GRIK2: variants seen among roughly 807,000 people sequenced by gnomAD.
GRIK2 encodes glutamate ionotropic receptor kainate type subunit 2, also known as glutamate receptor ionotropic, kainate 2.
GRIK2 carries 32 observed loss-of-function variants against 100.3 expected under a neutral mutation model. The ratio of observed to expected loss-of-function variants is 0.32; its 90% CI spans 0.24 to 0.43. GRIK2 has a LOEUF of 0.43. Among genes scored for constraint, GRIK2 ranks in the 20% least tolerant of loss-of-function variants. The pLI, the probability that GRIK2 is intolerant of heterozygous loss-of-function variation, is 1.00. For missense variants in GRIK2, 843 were observed against 1,114.9 expected (o/e 0.76, Z 3.47); for synonymous variants, 417 against 389.4 (o/e 1.07, Z -0.83).
chr6:101,473,018 T>G (rs865956780), intron 2 of GRIK2, among the ~76,000 whole-genome samples: 1 of 151,730 alleles, frequency 6.6e-6, no homozygotes, highest in Non-Finnish European at 1.5e-5. Context: ...TCTGTATGAT[T>G]TCTTATGTTG....
rs539260783 is a variant in GRIK2, at chr6:101,439,884, G to C, written c.115+40492G>C. Among the ~76,000 whole-genome samples, 9 of 152,120 alleles carry C rather than the reference G, an allele frequency of 5.9e-5. No individual in the cohort carries two copies. In the East Asian group the frequency reaches 1.5e-3, roughly 26 times the overall value. ...TGAAAAATAAATAATTTTTATCTTT[G>C]AGAGAGTCTTGTGAAAAGAAGACTC... is the stretch of plus-strand genomic sequence containing the variant. On this transcript the variant is annotated intron_variant, in intron 2 of 16. Coordinates refer to ENST00000369134, the MANE Select transcript of GRIK2 (RefSeq NM_021956.5).
chr6:101,740,748 G>C (rs2128377460), intron 7 of GRIK2, among the ~76,000 whole-genome samples: 1 of 152,312 alleles, frequency 6.6e-6, no homozygotes, highest in East Asian at 1.9e-4. Context: ...TGGCAGAAAA[G>C]GAAGGGGAGC....
At chr6:101,717,636 C>T (rs1300117837) in intron 7 of GRIK2, among the ~76,000 whole-genome samples, 2 of 151,782 alleles carry the variant, frequency 1.3e-5, no homozygotes, top group Admixed American at 6.6e-5. Flanking sequence ...CATAATAGGA[C>T]TGAAGCAGTT....
At chr6:101,493,972 A>T (rs955114470) in intron 2 of GRIK2, among the ~76,000 whole-genome samples, 13 of 128,250 alleles carry the variant, frequency 1.0e-4, no homozygotes, top group Non-Finnish European at 1.8e-4. Context: ...TTTATATATA[A>T]TTTATATATT....
intron 10 of GRIK2, among the ~76,000 whole-genome samples, chr6:101,819,310 A>G (rs1781813117): frequency 6.6e-6 from 1 of 152,234 alleles, no homozygotes; most frequent in South Asian, 2.1e-4. Context: ...TTTAGCATTT[A>G]TATAATTTCT....
rs74351384 is a variant in GRIK2 at position 101,921,332 on chromosome 6, A to G, written c.1749-3269A>G. Among the ~76,000 whole-genome samples the G allele has an allele frequency of 6.3e-3, 960 of 152,226 alleles. 10 individuals carry two copies. Among genetic ancestry groups the G allele is most frequent in the Non-Finnish European group, 8.5e-3 (575 of 67,958 alleles). ...AGGACACTGTGGTATTGGAGAGTCTACTGTCAGGACAGTGGAAATTCACTT... is the reference window on the plus strand; with the variant it reads ...AGGACACTGTGGTATTGGAGAGTCTGCTGTCAGGACAGTGGAAATTCACTT... On this transcript the variant is annotated intron_variant, in intron 12 of 16. Transcript: ENST00000369134.
chr6:101,796,617 G>T (rs554279182), intron 7 of GRIK2, among the ~76,000 whole-genome samples: 1 of 152,120 alleles, frequency 6.6e-6, no homozygotes, highest in East Asian at 1.9e-4. Flanking sequence ...CAGAAGTTCT[G>T]TTTATTGATT....
intron 4 of GRIK2, among the ~76,000 whole-genome samples, chr6:101,648,423 C>T: frequency 6.6e-6 from 1 of 152,016 alleles, no homozygotes; most frequent in Non-Finnish European, 1.5e-5. Context: ...CTTTTGTATT[C>T]TATTAATTTA....
At chr6:101,919,489 G>A (rs1376981193) in intron 12 of GRIK2, among the ~76,000 whole-genome samples, 1 of 151,736 alleles carries the variant, frequency 6.6e-6, no homozygotes, top group South Asian at 2.1e-4. Flanking sequence ...GAAGTTATTT[G>A]GTTCAATTTT....
intron 2 of GRIK2, among the ~76,000 whole-genome samples, chr6:101,541,568 A>G (rs1421030853): frequency 6.6e-6 from 1 of 152,002 alleles, no homozygotes; most frequent in Admixed American, 6.6e-5. Context: ...AGTCAAAATT[A>G]TGTCTTGTTC....
At chr6:101,480,565 T>C (rs1045434196) in intron 2 of GRIK2, among the ~76,000 whole-genome samples, 1 of 152,142 alleles carries the variant, frequency 6.6e-6, no homozygotes, top group Non-Finnish European at 1.5e-5. Context: ...AATATTGCTT[T>C]CTATAGGTTG....
chr6:101,579,839 G>T (rs1262335522), intron 2 of GRIK2, among the ~76,000 whole-genome samples: 1 of 142,900 alleles, frequency 7.0e-6, no homozygotes, highest in Non-Finnish European at 1.5e-5. Flanking sequence ...AACAGAGCGA[G>T]ACTGTGTCTT....
rs553421276 is a variant in GRIK2, at chr6:102,058,178, C to A, written c.2562+2598C>A. On this transcript the variant is annotated intron_variant, in intron 16 of 16. Transcript: ENST00000369134. ...CGCTGCGAACCCCTAAGCACATCTCCATTATCCCATTAACAGTATTGTATT... is the reference window on the plus strand; with the variant it reads ...CGCTGCGAACCCCTAAGCACATCTCAATTATCCCATTAACAGTATTGTATT... Among the ~76,000 whole-genome samples, 3 of 151,894 alleles carry A rather than the reference C, an allele frequency of 2.0e-5. No individual in the cohort carries two copies. The East Asian group carries it at 5.8e-4, about 29-fold the overall frequency.
At chr6:101,473,114 TTCCTTCCTTCCTTCCTTC>T (rs1278061476) in intron 2 of GRIK2, among the ~76,000 whole-genome samples, 630 of 44,380 alleles carry the variant, frequency 0.014, 3 homozygotes, top group Non-Finnish European at 0.023. Flanking sequence ...CCTTCCTTCC[TTCCTTCCTTCCTTCCTTC>T]CTTCCTTCCT....
chr6:101,447,479 T>A (rs1288490463), intron 2 of GRIK2, among the ~76,000 whole-genome samples: 1 of 151,732 alleles, frequency 6.6e-6, no homozygotes, highest in Non-Finnish European at 1.5e-5. Flanking sequence ...ATAAATAGTA[T>A]AAATAGATAA....
intron 14 of GRIK2, chr6:101,993,810 C>G (rs1001590850): frequency 1.4e-5 from 2 of 147,228 alleles, no homozygotes; most frequent in Non-Finnish European, 3.0e-5. Context: ...TGTTAACATA[C>G]AGAATAAAAA....
intron 2 of GRIK2, among the ~76,000 whole-genome samples, chr6:101,538,771 T>C (rs977715210): frequency 6.6e-6 from 1 of 151,724 alleles, no homozygotes; most frequent in Non-Finnish European, 1.5e-5. Flanking sequence ...GTGTTAGAAA[T>C]GTCTGTAGAA....
At position 101,822,593 on chromosome 6, in the gene GRIK2, A is replaced by G. The variant is rs567960067; in HGVS notation, c.1317+4110A>G. ...AAATGTATGAATATGGTCCACTACA[A>G]AAAATCATAGCAGACATGTATTACA... On this transcript the variant is annotated intron_variant, in intron 10 of 16. Coordinates refer to ENST00000369134, the MANE Select transcript of GRIK2 (RefSeq NM_021956.5). 3.9e-5 allele frequency among the ~76,000 whole-genome samples: 6 copies of G among 152,282 alleles called. No homozygotes were observed. The East Asian group carries it at 1.2e-3, about 29-fold the overall frequency.
chr6:101,826,173 C>A (rs563506958), intron 10 of GRIK2, among the ~76,000 whole-genome samples: 36 of 152,080 alleles, frequency 2.4e-4, no homozygotes, highest in African/African-American at 8.4e-4. Context: ...TAAGAAAGTT[C>A]AACAGAGAAG....
Sources: allele counts gnomAD v4.1 joint callset (sites outside exome capture counted in the v4.1 genomes callset), GRCh38; gene constraint gnomAD v4.1.1; transcripts MANE v1.5; gene names NCBI Gene and HGNC (gene_info 2026-07-23, HGNC 2026-07-21).